Variants in JADE3 observed in about 807,000 individuals in gnomAD.
JADE3 encodes the protein protein Jade-3.
Under a neutral mutation model 50.1 loss-of-function variants are expected in JADE3, and 2 were observed. The observed-to-expected ratio is 0.04, with a 90% confidence interval of 0.02 to 0.13. The LOEUF (loss-of-function observed/expected upper bound fraction) is 0.13, where lower values mean the gene tolerates loss of function less well. Ranked by LOEUF, JADE3 falls within the 10% of genes least tolerant of loss-of-function variation. The pLI, the probability that JADE3 is intolerant of heterozygous loss-of-function variation, is 1.00. For missense variants in JADE3, 475 were observed against 634.4 expected (o/e 0.75, Z 2.70); for synonymous variants, 218 against 232.9 (o/e 0.94, Z 0.58).
At chrX:46,930,645 C>T (rs993563200) in intron 1 of JADE3, among the ~76,000 whole-genome samples, 6 of 111,631 alleles carry the variant, frequency 5.4e-5, no homozygotes, top group African/African-American at 1.6e-4. Context: ...ACTTCCCAGT[C>T]CTCTTGGCTC....
intron 1 of JADE3, among the ~76,000 whole-genome samples, chrX:46,947,398 T>C (rs1341332724): frequency 8.9e-6 from 1 of 111,874 alleles, no homozygotes; most frequent in African/African-American, 3.3e-5. Flanking sequence ...CTGTATCTCC[T>C]CTGGACCATG....
At chrX:46,937,032 G>GT (rs1222193753) in intron 1 of JADE3, among the ~76,000 whole-genome samples, 1 of 111,198 alleles carries the variant, frequency 9.0e-6, no homozygotes, top group Non-Finnish European at 1.9e-5. Flanking sequence ...AGTGTAGGTT[G>GT]TTTTTTTGAG....
chrX:47,049,755 C>CTTTTTTTTTTT (rs536912145), intron 8 of JADE3, among the ~76,000 whole-genome samples: 6 of 55,886 alleles, frequency 1.1e-4, no homozygotes, highest in African/African-American at 1.3e-4. Context: ...TCTTCTTCTT[C>CTTTTTTTTTTT]TTTTTTTTTT....
At chrX:47,047,235 C>T (rs1377216283) in intron 8 of JADE3, among the ~76,000 whole-genome samples, 1 of 111,926 alleles carries the variant, frequency 8.9e-6, no homozygotes, top group East Asian at 2.8e-4. Context: ...TTCTACAATT[C>T]CTGAAGAATA....
chrX:46,914,156 C>A (rs1556335805), intron 1 of JADE3, among the ~76,000 whole-genome samples: 1 of 112,304 alleles, frequency 8.9e-6, no homozygotes, highest in East Asian at 2.8e-4. Flanking sequence ...AATCCACTTT[C>A]CCAGACCAGT....
intron 1 of JADE3, among the ~76,000 whole-genome samples, chrX:46,933,172 C>A (rs1345626869): frequency 9.0e-6 from 1 of 111,695 alleles, no homozygotes; most frequent in Non-Finnish European, 1.9e-5. Context: ...GGGCACTGTG[C>A]TTGGCCCTGC....
At chrX:46,951,415 C>T (rs1329304969) in intron 1 of JADE3, among the ~76,000 whole-genome samples, 1 of 104,546 alleles carries the variant, frequency 9.6e-6, no homozygotes, top group Non-Finnish European at 2.0e-5. Flanking sequence ...GGTGAAACCC[C>T]GTCTCTACTA....
intron 3 of JADE3, among the ~76,000 whole-genome samples, chrX:46,994,115 TCA>T (rs1556356723): frequency 8.9e-6 from 1 of 112,379 alleles, no homozygotes; most frequent in Non-Finnish European, 1.9e-5. Context: ...ATGAAAAATG[TCA>T]CACAAATGTT....
chrX:47,013,879 TATC>T (rs781940492), intron 4 of JADE3, among the ~76,000 whole-genome samples: 2 of 112,150 alleles, frequency 1.8e-5, no homozygotes, highest in South Asian at 3.7e-4. Flanking sequence ...AAGCAGATGT[TATC>T]ATTCTTTGGC....
intron 1 of JADE3, among the ~76,000 whole-genome samples, chrX:46,948,775 T>A (rs2147114996): frequency 9.0e-6 from 1 of 111,421 alleles, no homozygotes; most frequent in African/African-American, 3.3e-5. Flanking sequence ...AGAAGAACAT[T>A]ATAAGCACCT....
intron 8 of JADE3, among the ~76,000 whole-genome samples, chrX:47,040,453 T>TA (rs1556369373): frequency 1.8e-5 from 2 of 111,991 alleles, no homozygotes; most frequent in South Asian, 7.4e-4. Context: ...GCACTCCTTA[T>TA]GAGAATGTAA....
intron 6 of JADE3, among the ~76,000 whole-genome samples, chrX:47,031,088 C>A (rs934608541): frequency 3.6e-5 from 4 of 110,704 alleles, no homozygotes; most frequent in Admixed American, 9.7e-5. Flanking sequence ...CATTCTAAAT[C>A]CTTTTACATG....
intron 5 of JADE3, among the ~76,000 whole-genome samples, chrX:47,027,311 ATAT>A (rs782615190): frequency 6.2e-5 from 7 of 112,239 alleles, no homozygotes; most frequent in Non-Finnish European, 9.4e-5. Context: ...CCATTGAAAA[ATAT>A]TATTAGATTT....
intron 1 of JADE3, among the ~76,000 whole-genome samples, chrX:46,942,916 A>T (rs1926795921): frequency 1.8e-5 from 2 of 109,798 alleles, no homozygotes; most frequent in Non-Finnish European, 3.8e-5. Flanking sequence ...AAGATCTTTA[A>T]CCTCCTTGGT....
chrX:47,032,684 G>A (rs1428335406), intron 6 of JADE3, among the ~76,000 whole-genome samples: 1 of 111,396 alleles, frequency 9.0e-6, no homozygotes, highest in Non-Finnish European at 1.9e-5. Context: ...GAAAGAAAGT[G>A]AGTAATACAA....
Position 47,059,309 on chromosome X carries a change from C to G in JADE3, c.*232C>G, listed in dbSNP as rs782418556. On this transcript the variant is annotated 3_prime_UTR_variant, in exon 11 of 11. Coordinates refer to ENST00000614628, the MANE Select transcript of JADE3 (RefSeq NM_014735.5). ...TTGGTTTGTCAGAGGCTATTGGGAACAGCTGGGCCCAGGGTATTTGCTCAG... is the reference window on the plus strand; with the variant it reads ...TTGGTTTGTCAGAGGCTATTGGGAAGAGCTGGGCCCAGGGTATTTGCTCAG... 2.8e-6 allele frequency: 1 copy of G among 353,827 alleles called. No individual in the cohort carries two copies. Among genetic ancestry groups the G allele is most frequent in the African/African-American group, 2.6e-5 (1 of 38,605 alleles). The allele number at this position is 353,827 out of a possible 1,213,427, so 29.2% of individuals were successfully genotyped here. A position where few individuals can be genotyped will look rare whatever the true frequency, so the allele number is the denominator to read the frequency against.
intron 4 of JADE3, among the ~76,000 whole-genome samples, chrX:47,017,872 T>G (rs1045539928): frequency 1.8e-5 from 2 of 111,716 alleles, no homozygotes; most frequent in African/African-American, 6.5e-5. Flanking sequence ...CCAGTAGACA[T>G]CTCAGACTAA....
At chrX:46,997,067 A>T (rs184082117) in intron 3 of JADE3, among the ~76,000 whole-genome samples, 2 of 112,328 alleles carry the variant, frequency 1.8e-5, no homozygotes, top group African/African-American at 6.5e-5. Flanking sequence ...AAAGACTATC[A>T]CTTGGAAAAT....
At chrX:47,015,581 C>CAAA (rs56831185) in intron 4 of JADE3, among the ~76,000 whole-genome samples, 1 of 67,262 alleles carries the variant, frequency 1.5e-5, no homozygotes. Context: ...AAGACTGTCT[C>CAAA]AAAAAAAAAA....
Sources: allele counts gnomAD v4.1 joint callset (sites outside exome capture counted in the v4.1 genomes callset), GRCh38; gene constraint gnomAD v4.1.1; transcripts MANE v1.5; gene names NCBI Gene and HGNC (gene_info 2026-07-23, HGNC 2026-07-21).